The following WWOX variants were observed in gnomAD, a reference collection of about 807,000 sequenced individuals.
WWOX encodes WW domain-containing oxidoreductase.
A neutral mutation model predicts 46.2 loss-of-function variants in WWOX; 69 were observed. The observed-to-expected ratio is 1.49, with a 90% CI of 1.23 to 1.82. WWOX has a LOEUF of 1.82. Among genes scored for constraint, WWOX ranks in the 40% most tolerant of loss-of-function variants. The pLI is 0.00. For synonymous variants in WWOX, 359 were observed against 202.6 expected, an observed-to-expected ratio of 1.77 and a Z score of -6.56; for missense variants, 919 against 542.6, an observed-to-expected ratio of 1.69 and a Z score of -6.89.
At chr16:78,720,770 A>C (rs765018153) in intron 8 of WWOX, among the ~76,000 whole-genome samples, 1 of 152,122 alleles carries the variant, frequency 6.6e-6, no homozygotes, top group African/African-American at 2.4e-5. Context: ...GGTTATTCTC[A>C]AACTCTATTA....
At chr16:78,127,378 A>G (rs1230782189) in intron 4 of WWOX, among the ~76,000 whole-genome samples, 1 of 152,062 alleles carries the variant, frequency 6.6e-6, no homozygotes, top group East Asian at 1.9e-4. Flanking sequence ...GGCTGCCATA[A>G]TCTCTGTGAA....
At chr16:78,623,911 C>G (rs971866749) in intron 8 of WWOX, among the ~76,000 whole-genome samples, 1 of 152,150 alleles carries the variant, frequency 6.6e-6, no homozygotes, top group Admixed American at 6.5e-5. Context: ...TCAGGAGCAG[C>G]TCATGTGACC....
intron 8 of WWOX, among the ~76,000 whole-genome samples, chr16:78,955,730 C>T (rs1437395249): frequency 2.0e-5 from 3 of 151,558 alleles, no homozygotes; most frequent in Admixed American, 2.0e-4. Context: ...TCATGGCAGC[C>T]TCAGCCTCCT....
chr16:78,419,412 C>T lies in WWOX; in HGVS notation c.606-5458C>T, dbSNP rs550140411. On this transcript the variant is annotated intron_variant, in intron 6 of 8. Coordinates refer to ENST00000566780, the MANE Select transcript of WWOX (RefSeq NM_016373.4). ...TTCTATAAATCCTTAGTAATAAAGA[C>T]AGTGTCATATTGGCATAAGAATAGA... is the stretch of plus-strand genomic sequence containing the variant. Among the ~76,000 whole-genome samples the T allele has an allele frequency of 2.0e-3, 302 of 152,010 alleles. 1 individual carries two copies. Among genetic ancestry groups the T allele is most frequent in the African/African-American group, 6.9e-3 (285 of 41,514 alleles).
chr16:78,782,287 C>T (rs2050347694), intron 8 of WWOX, among the ~76,000 whole-genome samples: 1 of 152,184 alleles, frequency 6.6e-6, no homozygotes. Context: ...CCTTCAGCTG[C>T]ACGAGCTTTT....
intron 8 of WWOX, among the ~76,000 whole-genome samples, chr16:78,549,181 G>T (rs1328102013): frequency 6.6e-6 from 1 of 152,138 alleles, no homozygotes; most frequent in Non-Finnish European, 1.5e-5. Flanking sequence ...GTAAAGGAGG[G>T]ACAATAGAAC....
chr16:78,968,542 T>C (rs1047136777), intron 8 of WWOX, among the ~76,000 whole-genome samples: 3 of 152,180 alleles, frequency 2.0e-5, no homozygotes, highest in African/African-American at 4.8e-5. Flanking sequence ...ATGATGACTG[T>C]TATAAGTTGG....
intron 8 of WWOX, among the ~76,000 whole-genome samples, chr16:79,190,355 G>A (rs566421663): frequency 5.0e-4 from 76 of 152,130 alleles, no homozygotes; most frequent in Non-Finnish European, 9.9e-4. Context: ...AAAAAAAATC[G>A]GGAATTAGCG....
intron 8 of WWOX, among the ~76,000 whole-genome samples, chr16:78,632,313 G>C (rs573588024): frequency 6.6e-6 from 1 of 152,114 alleles, no homozygotes; most frequent in Admixed American, 6.6e-5. Flanking sequence ...ACTAAAACAC[G>C]TAGAATAGTA....
chr16:78,634,141 A>C lies in WWOX; in HGVS notation c.1056+201389A>C, dbSNP rs560711903. 1.3e-3 allele frequency among the ~76,000 whole-genome samples: 192 copies of C among 152,216 alleles called. 6 individuals are homozygous for C. In the South Asian group the frequency reaches 0.038, roughly 30 times the overall value. ...GTACCAGAGAGAGACCTTTTTGTACATTTGGAATAAAAATTTTTAGCATTA... is the reference window on the plus strand; with the variant it reads ...GTACCAGAGAGAGACCTTTTTGTACCTTTGGAATAAAAATTTTTAGCATTA... On this transcript the variant is annotated intron_variant, in intron 8 of 8. Transcript: ENST00000566780.
At chr16:78,885,827 C>T (rs2044444562) in intron 8 of WWOX, among the ~76,000 whole-genome samples, 1 of 151,850 alleles carries the variant, frequency 6.6e-6, no homozygotes, top group Admixed American at 6.6e-5. Flanking sequence ...TATTAAAGAA[C>T]AGCTGGCTTA....
At chr16:79,117,440 C>T (rs779429923) in intron 8 of WWOX, among the ~76,000 whole-genome samples, 1 of 152,136 alleles carries the variant, frequency 6.6e-6, no homozygotes, top group Non-Finnish European at 1.5e-5. Context: ...ATTTATAGAG[C>T]ACAGGGAGAG....
intron 5 of WWOX, among the ~76,000 whole-genome samples, chr16:78,181,292 T>G (rs960409371): frequency 7.2e-5 from 11 of 152,060 alleles, no homozygotes; most frequent in South Asian, 4.1e-4. Flanking sequence ...GGTGTGTGTG[T>G]GGGGGTGTTG....
At chr16:78,400,179 A>T (rs1411200973) in intron 6 of WWOX, among the ~76,000 whole-genome samples, 1 of 152,234 alleles carries the variant, frequency 6.6e-6, no homozygotes, top group Non-Finnish European at 1.5e-5. Context: ...ACTCGTCATC[A>T]AAAAGATATT....
intron 8 of WWOX, among the ~76,000 whole-genome samples, chr16:79,011,640 G>A (rs1597274080): frequency 6.6e-6 from 1 of 151,588 alleles, no homozygotes. Flanking sequence ...CTACTGTGAT[G>A]TGCCACCATA....
intron 8 of WWOX, among the ~76,000 whole-genome samples, chr16:78,671,784 G>C (rs1392776063): frequency 6.6e-6 from 1 of 152,152 alleles, no homozygotes. Flanking sequence ...AGCACCATCA[G>C]TATTCAATTT....
intron 6 of WWOX, among the ~76,000 whole-genome samples, chr16:78,422,061 C>A (rs189288827): frequency 6.6e-6 from 1 of 152,038 alleles, no homozygotes; most frequent in African/African-American, 2.4e-5. Flanking sequence ...TGTAGTTGGA[C>A]GTGTTAAATA....
intron 5 of WWOX, among the ~76,000 whole-genome samples, chr16:78,303,206 CTAATT>C (rs1478061377): frequency 2.0e-5 from 3 of 152,164 alleles, no homozygotes; most frequent in South Asian, 2.1e-4. Flanking sequence ...AAATCTATCT[CTAATT>C]TATGTTACTT....
intron 5 of WWOX, among the ~76,000 whole-genome samples, chr16:78,330,495 C>T (rs1018643099): frequency 6.6e-6 from 1 of 151,994 alleles, no homozygotes; most frequent in Non-Finnish European, 1.5e-5. Flanking sequence ...CTCCTGGGTT[C>T]AAGCAATTCT....
Sources: gnomAD v4.1 joint callset for allele counts (sites outside exome capture counted in the v4.1 genomes callset) on GRCh38, gnomAD v4.1.1 for gene constraint, MANE v1.5 for transcripts, NCBI Gene and HGNC (gene_info 2026-07-23, HGNC 2026-07-21) for gene names.